The following NSMAF variants were observed in gnomAD, a reference collection of about 807,000 sequenced individuals.
NSMAF encodes neutral sphingomyelinase activation associated factor.
Under a neutral mutation model 134.9 loss-of-function variants are expected in NSMAF, and 90 were observed. That is an observed-to-expected ratio of 0.67 (90% confidence interval 0.56 to 0.79). The LOEUF is 0.79. Among genes scored for constraint, NSMAF ranks in the 30% least tolerant of loss-of-function variants. The pLI is 0.00. For synonymous variants in NSMAF, 358 were observed against 389.6 expected, an observed-to-expected ratio of 0.92 and a Z score of 0.96; for missense variants, 1,010 against 1,119.0, an observed-to-expected ratio of 0.90 and a Z score of 1.39.
intron 2 of NSMAF, among the ~76,000 whole-genome samples, chr8:58,638,896 T>C (rs1314386967): frequency 2.6e-5 from 4 of 152,040 alleles, no homozygotes; most frequent in Non-Finnish European, 4.4e-5. Flanking sequence ...ATATCCAAAA[T>C]ACATAAAAAA....
chr8:58,640,594 T>G (rs1807312715), intron 2 of NSMAF, among the ~76,000 whole-genome samples: 2 of 152,210 alleles, frequency 1.3e-5, no homozygotes, highest in Admixed American at 1.3e-4. Flanking sequence ...TTCAACTTCT[T>G]TGCAATACTT....
In NSMAF at chr8:58,609,615, TGAG is replaced by T. The variant is rs1266250015; in HGVS notation, c.673_675del (p.Leu225del). 1 of 1,614,128 alleles carries T rather than the reference TGAG, an allele frequency of 6.2e-7. No individual in the cohort carries two copies. Among genetic ancestry groups the T allele is most frequent in the Admixed American group, 1.7e-5 (1 of 60,014 alleles). Reference sequence around the variant, plus strand: ...TGTGGTCTACACACCGGGTAGCCGTTGAGGGGCTGAAAATACAGGTTTGTGTCC... The same window carrying T: ...TGTGGTCTACACACCGGGTAGCCGTTGGGCTGAAAATACAGGTTTGTGTCC... On this transcript the variant is annotated inframe_deletion, in exon 10 of 31. Coordinates refer to ENST00000038176, the MANE Select transcript of NSMAF (RefSeq NM_003580.4).
At chr8:58,638,647 A>C (rs1372222984) in intron 2 of NSMAF, among the ~76,000 whole-genome samples, 1 of 152,206 alleles carries the variant, frequency 6.6e-6, no homozygotes, top group African/African-American at 2.4e-5. Flanking sequence ...TGAAGACTTA[A>C]ATGTAAGTCC....
intron 23 of NSMAF, 117 bp downstream of exon 23, chr8:58,594,115 G>A: frequency 2.5e-6 from 2 of 808,544 alleles, no homozygotes; most frequent in Non-Finnish European, 4.2e-6. Flanking sequence ...ACTGCTCTAA[G>A]TTTACTTTAT....
At chr8:58,609,507 T>C (rs1358319142) in intron 10 of NSMAF, 97 bp downstream of exon 10, 1 of 1,265,752 alleles carries the variant, frequency 7.9e-7, no homozygotes, top group East Asian at 2.3e-5. Context: ...CATGACTTGA[T>C]CCTCATCAAA....
In NSMAF at chr8:58,637,017, TAC is replaced by T. The variant is rs34638032; in HGVS notation, c.150-1473_150-1472del. Among the ~76,000 whole-genome samples the T allele has an allele frequency of 3.9e-3, 575 of 146,918 alleles. 4 individuals carry two copies. The highest frequency in any genetic ancestry group is 0.011 in the African/African-American group (427 of 38,078). On this transcript the variant is annotated intron_variant, in intron 2 of 30. Coordinates refer to ENST00000038176, the MANE Select transcript of NSMAF (RefSeq NM_003580.4). Reference sequence around the variant, plus strand: ...CTTCGAGGATAACTGATTAAGATTATACACACACACACACACACACACACCCA... The same window carrying T: ...CTTCGAGGATAACTGATTAAGATTATACACACACACACACACACACACCCA...
intron 1 of NSMAF, among the ~76,000 whole-genome samples, chr8:58,644,839 A>G (rs1412169590): frequency 3.9e-5 from 6 of 152,222 alleles, no homozygotes; most frequent in African/African-American, 1.4e-4. Context: ...GCTGGAAACC[A>G]TCATTCTCAG....
At chr8:58,642,723 A>G (rs956514718) in intron 2 of NSMAF, among the ~76,000 whole-genome samples, 15 of 152,204 alleles carry the variant, frequency 9.9e-5, no homozygotes, top group African/African-American at 3.6e-4. Flanking sequence ...TAACTTTTAA[A>G]TACACTCTTC....
intron 1 of NSMAF, among the ~76,000 whole-genome samples, chr8:58,655,109 G>C (rs754307587): frequency 6.0e-4 from 92 of 152,154 alleles, no homozygotes; most frequent in Non-Finnish European, 9.3e-4. Flanking sequence ...AAAGTTCTGG[G>C]ACTACAGGCA....
chr8:58,639,247 G>A (rs1055508920), intron 2 of NSMAF, among the ~76,000 whole-genome samples: 6 of 151,430 alleles, frequency 4.0e-5, no homozygotes, highest in Admixed American at 3.9e-4. Context: ...TCACGCCACT[G>A]CACTTCAGCC....
Position 58,659,568 on chromosome 8 carries a change from C to A in NSMAF, c.59+5G>T. 1 of 1,527,160 alleles carries A rather than the reference C, an allele frequency of 6.5e-7. No homozygotes were observed. Among genetic ancestry groups the A allele is most frequent in the South Asian group, 1.2e-5 (1 of 81,660 alleles). 94.6% of individuals were successfully genotyped at this position (1,527,160 alleles called of 1,614,324 possible). ...GGCTGGGCCCTTCTTCAGCTGGGCGCGCACCTCTCCTTGGAGTAGAGCTGC... is the reference window on the plus strand; with the variant it reads ...GGCTGGGCCCTTCTTCAGCTGGGCGAGCACCTCTCCTTGGAGTAGAGCTGC... On this transcript the variant is annotated splice_donor_5th_base_variant and intron_variant, in intron 1 of 30. Transcript: ENST00000038176.
intron 1 of NSMAF, among the ~76,000 whole-genome samples, chr8:58,646,679 T>A (rs948329768): frequency 1.3e-5 from 2 of 152,198 alleles, no homozygotes; most frequent in African/African-American, 2.4e-5. Flanking sequence ...ATAATTAAGT[T>A]GCATGATTTT....
rs1425847277 is a variant in NSMAF, at chr8:58,599,970, C to T, written c.1332G>A (p.Glu444=). 5.6e-6 allele frequency: 9 copies of T among 1,613,920 alleles called. No homozygotes were observed. Among genetic ancestry groups the T allele is most frequent in the Non-Finnish European group, 5.9e-6 (7 of 1,179,888 alleles). ...NCLDGATDFK[E]LIPEFYGDDV... ...CTCATCAGCTTTATTAACTGCTTAC[C>T]TCTTTAAAATCCGTTGCACCATCCA... Residue 444 remains glutamate (E), a splice_region_variant and synonymous_variant, in exon 17 of 31, where the codon GAG becomes GAA. Coordinates refer to ENST00000038176, the MANE Select transcript of NSMAF (RefSeq NM_003580.4).
At chr8:58,609,849 A>G (rs1276404176) in intron 9 of NSMAF, 116 bp from the exon 10 acceptor site, 1 of 883,668 alleles carries the variant, frequency 1.1e-6, no homozygotes, top group Non-Finnish European at 1.7e-6. Context: ...CACTACATTT[A>G]ATATAAGAAA....
chr8:58,639,230 G>A (rs1807273558), intron 2 of NSMAF, among the ~76,000 whole-genome samples: 1 of 151,898 alleles, frequency 6.6e-6, no homozygotes, highest in Non-Finnish European at 1.5e-5. Context: ...GTTGCAGTGA[G>A]CAGAGATCAC....
chr8:58,656,227 C>T (rs1023678770), intron 1 of NSMAF, among the ~76,000 whole-genome samples: 3 of 151,920 alleles, frequency 2.0e-5, no homozygotes, highest in African/African-American at 7.2e-5. Flanking sequence ...TGGTCTCGAA[C>T]TCCTCACCTC....
intron 23 of NSMAF, among the ~76,000 whole-genome samples, chr8:58,593,915 C>G (rs989266149): frequency 6.6e-6 from 1 of 152,226 alleles, no homozygotes; most frequent in Admixed American, 6.5e-5. Context: ...CTACTCACAG[C>G]CAACCCCAAC....
At chr8:58,642,145 G>A (rs1334795478) in intron 2 of NSMAF, among the ~76,000 whole-genome samples, 1 of 152,152 alleles carries the variant, frequency 6.6e-6, no homozygotes, top group Non-Finnish European at 1.5e-5. Flanking sequence ...ACTTTAGCTT[G>A]TATTTAAACA....
chr8:58,598,490 C>CAA (rs71250204), intron 19 of NSMAF, among the ~76,000 whole-genome samples: 8 of 125,976 alleles, frequency 6.4e-5, no homozygotes, highest in African/African-American at 1.9e-4. Context: ...CTGTCTCAAA[C>CAA]AAAAAAAAAA....
Sources: allele counts gnomAD v4.1 joint callset (sites outside exome capture counted in the v4.1 genomes callset), GRCh38; gene constraint gnomAD v4.1.1; transcripts MANE v1.5; gene names NCBI Gene and HGNC (gene_info 2026-07-23, HGNC 2026-07-21).